The following EPB41 variants were observed in gnomAD, a reference collection of about 807,000 sequenced individuals.
EPB41 encodes the protein erythrocyte membrane protein band 4.1.
A neutral mutation model predicts 108.0 loss-of-function variants in EPB41; 65 were observed. That is an observed-to-expected ratio of 0.60 (90% CI 0.49 to 0.74). EPB41 has a LOEUF of 0.74. EPB41 is among the 30% of genes least tolerant of loss of function. EPB41 has a pLI of 0.00. For missense variants in EPB41, 875 were observed against 1,037.0 expected (o/e 0.84, Z 2.15); for synonymous variants, 336 against 358.9 (o/e 0.94, Z 0.72).
rs368052900 is a variant in EPB41 at position 28,973,319 on chromosome 1, T to G, written c.-7-14112T>G. Among the ~76,000 whole-genome samples the G allele has an allele frequency of 5.9e-5, 9 of 152,248 alleles. No individual in the cohort carries two copies. In the South Asian group the frequency reaches 6.2e-4, roughly 11 times the overall value. ...CCCTTCTCTGGTGTCCTTGGGGATATTGGGGGTGGGGGAGAAATAATATAG... is the reference window on the plus strand; with the variant it reads ...CCCTTCTCTGGTGTCCTTGGGGATAGTGGGGGTGGGGGAGAAATAATATAG... On this transcript the variant is annotated intron_variant, in intron 1 of 20. Transcript: ENST00000343067.
intron 5 of EPB41, among the ~76,000 whole-genome samples, chr1:29,013,726 G>A (rs1228605238): frequency 1.3e-5 from 2 of 151,508 alleles, no homozygotes; most frequent in Non-Finnish European, 2.9e-5. Flanking sequence ...ACAGGGTTTC[G>A]CCATGTTGGC....
intron 11 of EPB41, among the ~76,000 whole-genome samples, chr1:29,044,367 G>T (rs1642527984): frequency 6.6e-6 from 1 of 152,188 alleles, no homozygotes; most frequent in South Asian, 2.1e-4. Context: ...GTCTTTTCCT[G>T]ATAGCAAAGA....
At chr1:28,997,683 G>A (rs1173108509) in intron 4 of EPB41, among the ~76,000 whole-genome samples, 2 of 151,746 alleles carry the variant, frequency 1.3e-5, no homozygotes, top group African/African-American at 4.8e-5. Context: ...TTGAATGGAT[G>A]ATCTGTTATT....
intron 1 of EPB41, among the ~76,000 whole-genome samples, chr1:28,962,335 A>G (rs1413332998): frequency 6.6e-6 from 1 of 152,148 alleles, no homozygotes; most frequent in Non-Finnish European, 1.5e-5. Flanking sequence ...TGCTGGGATT[A>G]TTACAGACGT....
chr1:29,070,936 TTGTTA>T, intron 16 of EPB41: 1 of 214,978 alleles, frequency 4.7e-6, no homozygotes, highest in Non-Finnish European at 9.1e-6. Context: ...CTGTTTACTA[TTGTTA>T]TGTCTTCCTA....
chr1:29,065,145 C>G lies in EPB41; in HGVS notation c.2171C>G (p.Pro724Arg). ...FRTLNINGQIPTGEGPPLVKT... is the reference protein window; with the variant it reads ...FRTLNINGQIRTGEGPPLVKT... ...ACTCTTAACATCAATGGGCAAATCC[C>G]CACAGGAGAAGGAGTGAGTACTTTG... The change falls in exon 16 of 21, where the codon CCC (proline) becomes CGC (arginine). Residue 724 changes from proline to arginine, a missense_variant. By Grantham distance (103) the Pro-to-Arg change is moderately radical. Transcript: ENST00000343067. 1 of 1,603,298 alleles carries G rather than the reference C, an allele frequency of 6.2e-7. No individual in the cohort carries two copies. The highest frequency in any genetic ancestry group is 8.5e-7 in the Non-Finnish European group (1 of 1,172,994).
At chr1:28,979,534 C>T (rs1276480677) in intron 1 of EPB41, among the ~76,000 whole-genome samples, 2 of 151,408 alleles carry the variant, frequency 1.3e-5, no homozygotes, top group Admixed American at 1.3e-4. Context: ...GAACCAAATA[C>T]ACTTGTCGAT....
chr1:29,031,089 G>A (rs920251220), intron 8 of EPB41, among the ~76,000 whole-genome samples: 6 of 152,042 alleles, frequency 3.9e-5, no homozygotes, highest in African/African-American at 1.4e-4. Flanking sequence ...GATTACAGGC[G>A]TGAGCCACCG....
intron 1 of EPB41, among the ~76,000 whole-genome samples, chr1:28,956,443 A>G (rs1457643741): frequency 6.6e-6 from 1 of 152,256 alleles, no homozygotes; most frequent in Non-Finnish European, 1.5e-5. Flanking sequence ...ATTGAAAGTA[A>G]ATAACTGCTG....
intron 17 of EPB41, 114 bp downstream of exon 17, chr1:29,098,049 T>A: frequency 6.8e-7 from 1 of 1,469,328 alleles, no homozygotes; most frequent in Non-Finnish European, 9.4e-7. Context: ...CTGGGGCAGT[T>A]CTTTTTAGAA....
chr1:29,023,344 A>G lies in EPB41; in HGVS notation c.1124+4902A>G, dbSNP rs562966725. ...TTAATAAACATTTTAAATTTTCCTTAGTTAAAACAATTTTAATATAGTGAA... is the reference window on the plus strand; with the variant it reads ...TTAATAAACATTTTAAATTTTCCTTGGTTAAAACAATTTTAATATAGTGAA... On this transcript the variant is annotated intron_variant, in intron 7 of 20. Coordinates refer to ENST00000343067, the MANE Select transcript of EPB41 (RefSeq NM_001376013.1). 3.9e-5 allele frequency among the ~76,000 whole-genome samples: 6 copies of G among 152,042 alleles called. 1 individual carries two copies. The highest frequency in any genetic ancestry group is 1.2e-4 in the African/African-American group (5 of 41,350).
rs113138753 is a variant in EPB41, at chr1:29,074,117, T to G, written c.2184+8959T>G. 2.0e-3 allele frequency among the ~76,000 whole-genome samples: 300 copies of G among 152,274 alleles called. 1 individual carries two copies. The highest frequency in any genetic ancestry group is 0.017 in the Middle Eastern group (5 of 294). The stretch of plus-strand genomic sequence containing the variant: ...TTGTGCTTTACCCAGTGATCATGTA[T>G]TTACAAAAGGAAAACAGGGCAAAAT... On this transcript the variant is annotated intron_variant, in intron 16 of 20. Transcript: ENST00000343067.
chr1:28,963,559 C>T (rs2095282564), intron 1 of EPB41, among the ~76,000 whole-genome samples: 1 of 152,138 alleles, frequency 6.6e-6, no homozygotes, highest in African/African-American at 2.4e-5. Context: ...ATCTCATAGT[C>T]CCTCTGGAGG....
chr1:28,942,734 T>C (rs1001372328), intron 1 of EPB41, among the ~76,000 whole-genome samples: 1 of 152,168 alleles, frequency 6.6e-6, no homozygotes, highest in African/African-American at 2.4e-5. Flanking sequence ...CCCTGGAGAT[T>C]GTGTGGTGGT....
chr1:29,096,565 T>C, intron 16 of EPB41: 1 of 985,768 alleles, frequency 1.0e-6, no homozygotes, highest in Middle Eastern at 5.2e-4. Flanking sequence ...TTGACTTTCA[T>C]GTGGGTAACC....
chr1:28,952,719 A>G (rs1259369252), intron 1 of EPB41, among the ~76,000 whole-genome samples: 1 of 152,186 alleles, frequency 6.6e-6, no homozygotes, highest in East Asian at 1.9e-4. Flanking sequence ...TGTATAATAT[A>G]TATTATGGAA....
rs1671294333 is a variant in EPB41 at position 29,118,141 on chromosome 1, C to CT, written c.*1331dup. On this transcript the variant is annotated 3_prime_UTR_variant, in exon 21 of 21. Coordinates refer to ENST00000343067, the MANE Select transcript of EPB41 (RefSeq NM_001376013.1). ...TGTTTTTTTGAGACGGAGTTTCGCT[C>CT]TTGTTGCCCAAGCTGGAGTGCAGTG... The CT allele has an allele frequency of 6.6e-6, 1 of 152,382 alleles. No homozygotes were observed. Among genetic ancestry groups the CT allele is most frequent in the African/African-American group, 2.4e-5 (1 of 41,410 alleles). The allele number at this position is 152,382 out of a possible 1,614,324, so 9.4% of individuals were successfully genotyped here. A position where few individuals can be genotyped will look rare whatever the true frequency, so the allele number is the denominator to read the frequency against.
upstream of EPB41, among the ~76,000 whole-genome samples, chr1:28,912,483 T>C (rs2092307489): frequency 6.6e-6 from 1 of 152,102 alleles, no homozygotes; most frequent in African/African-American, 2.4e-5. Flanking sequence ...TATATTATTA[T>C]ATTTGCCAGT....
chr1:28,891,043 C>A, intron 1 of EPB41: 2 of 963,034 alleles, frequency 2.1e-6, no homozygotes, highest in Non-Finnish European at 1.2e-6. Context: ...AGGGAGCAAC[C>A]TCCAGGTCAG....
Sources: gnomAD v4.1 joint callset for allele counts (sites outside exome capture counted in the v4.1 genomes callset) on GRCh38, gnomAD v4.1.1 for gene constraint, MANE v1.5 for transcripts, NCBI Gene and HGNC (gene_info 2026-07-23, HGNC 2026-07-21) for gene names.